GLIS3: variants seen among roughly 807,000 people sequenced by gnomAD.
GLIS3 encodes the protein GLIS family zinc finger 3.
Under a neutral mutation model 78.6 loss-of-function variants are expected in GLIS3, and 53 were observed. The ratio of observed to expected loss-of-function variants is 0.67; its 90% CI spans 0.54 to 0.85. The LOEUF is 0.85. Ranked by LOEUF, GLIS3 falls within the 40% of genes least tolerant of loss-of-function variation. GLIS3 has a pLI of 0.00. For missense variants in GLIS3, 1,703 were observed against 1,231.1 expected, an observed-to-expected ratio of 1.38 and a Z score of -5.74; for synonymous variants, 684 against 509.9, an observed-to-expected ratio of 1.34 and a Z score of -4.60.
chr9:4,193,227 G>A (rs898616380), intron 2 of GLIS3, among the ~76,000 whole-genome samples: 1 of 152,164 alleles, frequency 6.6e-6, no homozygotes, highest in African/African-American at 2.4e-5. Context: ...ATTTTAAAAC[G>A]GCTTTGAAAA....
chr9:4,133,887 C>A (rs1833188426), intron 2 of GLIS3, among the ~76,000 whole-genome samples: 1 of 148,414 alleles, frequency 6.7e-6, no homozygotes, highest in East Asian at 2.0e-4. Flanking sequence ...GTACATCTGT[C>A]CTCGCCTGAA....
At chr9:4,019,387 C>T (rs1356336421) in intron 4 of GLIS3, among the ~76,000 whole-genome samples, 3 of 152,148 alleles carry the variant, frequency 2.0e-5, no homozygotes, top group Admixed American at 6.5e-5. Context: ...GTGATTATAT[C>T]ACACAGCCTC....
intron 4 of GLIS3, among the ~76,000 whole-genome samples, chr9:4,116,274 G>A (rs1831630960): frequency 6.6e-6 from 1 of 152,234 alleles, no homozygotes. Context: ...TTTCCTGCCT[G>A]CAATAGGCCG....
At chr9:4,368,420 C>A in the GLIS3 span, among the ~76,000 whole-genome samples, 3 of 151,436 alleles carry the variant, frequency 2.0e-5, no homozygotes, top group Non-Finnish European at 4.4e-5. Context: ...TCTCTGCTCA[C>A]TGCAAGCTCC....
chr9:4,170,080 T>A (rs983838279), intron 2 of GLIS3, among the ~76,000 whole-genome samples: 1 of 152,124 alleles, frequency 6.6e-6, no homozygotes, highest in Non-Finnish European at 1.5e-5. Flanking sequence ...TTAAACCATA[T>A]GGAGAAAACA....
intron 1 of GLIS3, among the ~76,000 whole-genome samples, chr9:4,296,995 G>T (rs1043464468): frequency 6.6e-6 from 1 of 151,504 alleles, no homozygotes; most frequent in Non-Finnish European, 1.5e-5. Context: ...TCATCGTGGC[G>T]GATTCTTTTT....
chr9:4,193,016 G>T (rs1030547668), intron 2 of GLIS3, among the ~76,000 whole-genome samples: 2 of 152,174 alleles, frequency 1.3e-5, no homozygotes, highest in Non-Finnish European at 2.9e-5. Context: ...GATCATGAGG[G>T]AATCAATAAG....
intron 2 of GLIS3, among the ~76,000 whole-genome samples, chr9:4,247,614 T>G (rs1469201252): frequency 6.6e-6 from 1 of 152,042 alleles, no homozygotes; most frequent in Non-Finnish European, 1.5e-5. Flanking sequence ...CTATCACCAT[T>G]ACAATTTACC....
chr9:4,325,690 C>T (rs1293000090), intron 2 of GLIS3, among the ~76,000 whole-genome samples: 4 of 151,986 alleles, frequency 2.6e-5, no homozygotes, highest in South Asian at 4.2e-4. Context: ...AATCAACTCT[C>T]TTTTTTTTGA....
intron 3 of GLIS3, chr9:4,123,804 G>A (rs1018176385): frequency 2.5e-6 from 1 of 398,296 alleles, no homozygotes; most frequent in Non-Finnish European, 4.4e-6. Context: ...CAGGATGACT[G>A]TCATTTAGTG....
chr9:4,107,615 T>C (rs1303965581), intron 4 of GLIS3, among the ~76,000 whole-genome samples: 1 of 152,212 alleles, frequency 6.6e-6, no homozygotes, highest in Non-Finnish European at 1.5e-5. Flanking sequence ...TATTCACTTC[T>C]TATCATTTGC....
chr9:4,257,973 T>C (rs1387669789), intron 2 of GLIS3, among the ~76,000 whole-genome samples: 2 of 152,182 alleles, frequency 1.3e-5, no homozygotes, highest in Non-Finnish European at 2.9e-5. Context: ...AGATTTTTAA[T>C]TAAATTTCTA....
intron 2 of GLIS3, among the ~76,000 whole-genome samples, chr9:4,246,566 T>G (rs7020509): frequency 0.054 from 8,147 of 152,258 alleles, 669 homozygotes; most frequent in African/African-American, 0.18. Context: ...AGTAATCGCT[T>G]GAGAAGCCAT....
At chr9:4,350,614 A>T (rs1817956789), upstream of GLIS3, among the ~76,000 whole-genome samples, 1 of 152,052 alleles carries the variant, frequency 6.6e-6, no homozygotes, top group Non-Finnish European at 1.5e-5. Flanking sequence ...GGAAGACTGA[A>T]CTCTTCTTCC....
chr9:4,357,360 G>A, the GLIS3 span, among the ~76,000 whole-genome samples: 1 of 151,496 alleles, frequency 6.6e-6, no homozygotes, highest in Non-Finnish European at 1.5e-5. Context: ...GCCTGAGTAA[G>A]GAAGAATCCC....
chr9:4,231,142 C>T (rs1247068286), intron 2 of GLIS3, among the ~76,000 whole-genome samples: 1 of 152,014 alleles, frequency 6.6e-6, no homozygotes, highest in South Asian at 2.1e-4. Flanking sequence ...TCCATTTAAA[C>T]AATTATAAAT....
intron 2 of GLIS3, among the ~76,000 whole-genome samples, chr9:4,338,391 C>CAT (rs985643072): frequency 7.2e-6 from 1 of 138,088 alleles, no homozygotes; most frequent in African/African-American, 3.2e-5. Context: ...CACACACATA[C>CAT]ACACACACAC....
chr9:3,856,840 T>A (rs1819827704), intron 8 of GLIS3, among the ~76,000 whole-genome samples: 1 of 152,144 alleles, frequency 6.6e-6, no homozygotes. Context: ...AGGAGTCACA[T>A]GCGCCAATCA....
At chr9:3,858,482 C>A (rs562915600) in intron 8 of GLIS3, among the ~76,000 whole-genome samples, 28 of 152,194 alleles carry the variant, frequency 1.8e-4, no homozygotes, top group African/African-American at 6.5e-4. Context: ...ATCTCAAGGA[C>A]ATGAAGGAAT....
Sources: allele counts gnomAD v4.1 joint callset (sites outside exome capture counted in the v4.1 genomes callset), GRCh38; gene constraint gnomAD v4.1.1; transcripts MANE v1.5; gene names NCBI Gene and HGNC (gene_info 2026-07-23, HGNC 2026-07-21).